Variants in HAUS8 observed in about 807,000 individuals in gnomAD.
HAUS8 encodes HAUS augmin-like complex subunit 8.
In HAUS8, 38 loss-of-function variants were observed where a neutral mutation model predicts 42.9. The observed-to-expected ratio is 0.89, with a 90% CI of 0.68 to 1.16. HAUS8 has a LOEUF of 1.16. Ranked by LOEUF, HAUS8 falls within the 50% of genes most tolerant of loss-of-function variation. The pLI, the probability that HAUS8 is intolerant of heterozygous loss-of-function variation, is 0.00. For missense variants in HAUS8, 494 were observed against 511.6 expected (o/e 0.97, Z 0.33); for synonymous variants, 199 against 205.8 (o/e 0.97, Z 0.28).
intron 6 of HAUS8, among the ~76,000 whole-genome samples, chr19:17,059,308 G>A (rs2057345508): frequency 6.6e-6 from 1 of 152,204 alleles, no homozygotes; most frequent in Non-Finnish European, 1.5e-5. Context: ...GCACAGCATG[G>A]GCACAGAGAA....
chr19:17,068,557 A>T (rs1439349499), intron 3 of HAUS8, among the ~76,000 whole-genome samples: 5 of 152,178 alleles, frequency 3.3e-5, no homozygotes, highest in African/African-American at 9.7e-5. Flanking sequence ...ACTTGAGCTC[A>T]GTAGCTCAAG....
At chr19:17,059,930 T>C (rs2057349845) in intron 5 of HAUS8, 67 bp downstream of exon 5, 2 of 1,149,284 alleles carry the variant, frequency 1.7e-6, no homozygotes, top group South Asian at 2.5e-5. Context: ...CAATTGTACT[T>C]TGGAAGCCCA....
chr19:17,064,255 A>C (rs1394201825), intron 3 of HAUS8, among the ~76,000 whole-genome samples: 6 of 152,256 alleles, frequency 3.9e-5, no homozygotes, highest in Non-Finnish European at 8.8e-5. Flanking sequence ...GATCTAAATA[A>C]ATGGAGAAGC....
At chr19:17,051,637 C>T (rs1201092053) in intron 10 of HAUS8, 1 of 151,202 alleles carries the variant, frequency 6.6e-6, no homozygotes, top group East Asian at 1.9e-4. Flanking sequence ...CTTTCTCTTC[C>T]AGCTGCTTGA....
chr19:17,073,389 G>A, intron 1 of HAUS8, 54 bp from the exon 2 acceptor site: 1 of 1,545,608 alleles, frequency 6.5e-7, no homozygotes, highest in Non-Finnish European at 8.9e-7. Flanking sequence ...GAAGCACAGG[G>A]AAGCCGGCGA....
rs1461454734 is a variant in HAUS8 at position 17,058,801 on chromosome 19, C to T, written c.486+10G>A. ...ATCCATGGCATACGTGAACAAGAAA[C>T]TGTTTTCACCTTTACGGATAGTAGC... On this transcript the variant is annotated intron_variant, in intron 7 of 10. Transcript: ENST00000253669. 2 of 1,612,136 alleles carry T rather than the reference C, an allele frequency of 1.2e-6. No individual in the cohort carries two copies. The highest frequency in any genetic ancestry group is 1.7e-6 in the Non-Finnish European group (2 of 1,179,270).
intron 2 of HAUS8, among the ~76,000 whole-genome samples, chr19:17,069,656 A>G (rs1332019768): frequency 6.6e-6 from 1 of 151,854 alleles, no homozygotes; most frequent in Non-Finnish European, 1.5e-5. Context: ...GTGACTGTGG[A>G]TGGAACAAAT....
chr19:17,058,578 G>T lies in HAUS8; in HGVS notation c.616C>A (p.Arg206=), dbSNP rs376846602. The part of the protein sequence containing the change: ...KRRLLLSQRK[R]ELADVLDAQI... The stretch of plus-strand genomic sequence containing the variant: ...GCATCCAGGACATCTGCCAGCTCCC[G>T]CTTCCTCTGAGAGAGGAGAAGCCTG... The change falls in exon 8 of 11, where the codon CGG becomes AGG. Residue 206 remains arginine, a synonymous_variant. Transcript: ENST00000253669. 5 of 1,608,206 alleles carry T rather than the reference G, an allele frequency of 3.1e-6. No individual in the cohort carries two copies. The highest frequency in any genetic ancestry group is 1.7e-4 in the Middle Eastern group (1 of 5,984).
In HAUS8 at chr19:17,069,708, G is replaced by A. The variant is rs536746681; in HGVS notation, c.92-622C>T. 5.3e-5 allele frequency among the ~76,000 whole-genome samples: 8 copies of A among 152,012 alleles called. No individual in the cohort carries two copies. The East Asian group carries it at 1.4e-3, about 26-fold the overall frequency. ...GCTTCTGGAGGTAGGGGTCTGAACT[G>A]GATCCGGTTAGTCCCATTCTGTCCC... On this transcript the variant is annotated intron_variant, in intron 2 of 10. Coordinates refer to ENST00000253669, the MANE Select transcript of HAUS8 (RefSeq NM_033417.2).
intron 1 of HAUS8, chr19:17,074,824 T>G (rs1482656051): frequency 6.5e-6 from 1 of 152,886 alleles, no homozygotes; most frequent in Non-Finnish European, 1.5e-5. Context: ...AAATATAGCC[T>G]CATGATCATT....
rs761274250 is a variant in HAUS8, at chr19:17,052,856, C to T, written c.898G>A (p.Val300Met). 1.1e-5 allele frequency: 17 copies of T among 1,614,008 alleles called. No individual in the cohort carries two copies. The highest frequency in any genetic ancestry group is 2.2e-5 in the South Asian group (2 of 91,090). ...VLDLLSELKD[V>M]TAKKDLELRR... ...AGCTCAAGGTCCTTTTTCGCCGTCA[C>T]GTCCTTGAGTTCGCTCAGTAAGTCC... The change falls in exon 10 of 11, where the codon GTG becomes ATG. Residue 300 changes from valine (V) to methionine (M), a missense_variant. Coordinates refer to ENST00000253669, the MANE Select transcript of HAUS8 (RefSeq NM_033417.2).
chr19:17,054,279 T>C (rs896239306), intron 9 of HAUS8, among the ~76,000 whole-genome samples: 1 of 152,084 alleles, frequency 6.6e-6, no homozygotes, highest in South Asian at 2.1e-4. Flanking sequence ...CCTAGGCCGT[T>C]CCCAGGAACT....
At chr19:17,072,794 C>T (rs1395403059) in intron 2 of HAUS8, among the ~76,000 whole-genome samples, 2 of 151,922 alleles carry the variant, frequency 1.3e-5, no homozygotes, top group Non-Finnish European at 2.9e-5. Flanking sequence ...CCTCATGAGA[C>T]TGACACGCTC....
rs2057342729 is a variant in HAUS8 at position 17,058,894 on chromosome 19, A to G, written c.421-18T>C. On this transcript the variant is annotated intron_variant, in intron 6 of 10. Transcript: ENST00000253669. ...GATAAATCCTTAAGAAAAGAAAAAG[A>G]CCCTCTCAATTCCTGATGAAGTGGT... 6.3e-7 allele frequency: 1 copy of G among 1,599,432 alleles called. No individual in the cohort carries two copies. The highest frequency in any genetic ancestry group is 1.1e-5 in the South Asian group (1 of 89,884).
intron 3 of HAUS8, among the ~76,000 whole-genome samples, chr19:17,063,281 G>A (rs1040482546): frequency 7.2e-5 from 11 of 152,140 alleles, no homozygotes; most frequent in Non-Finnish European, 1.5e-4. Context: ...AGGATCGCTC[G>A]GGTCCAGGGG....
rs757162478 is a variant in HAUS8 at position 17,060,105 on chromosome 19, G to A, written c.230-13C>T. On this transcript the variant is annotated splice_polypyrimidine_tract_variant and intron_variant, in intron 4 of 10. Coordinates refer to ENST00000253669, the MANE Select transcript of HAUS8 (RefSeq NM_033417.2). ...CCACTGCTATCTGCTGTTAAGAAAA[G>A]AATCCCCGAAAGTCAGCACAGTCAA... 6.3e-7 allele frequency: 1 copy of A among 1,582,826 alleles called. No homozygotes were observed. The highest frequency in any genetic ancestry group is 8.7e-7 in the Non-Finnish European group (1 of 1,152,618).
At chr19:17,057,823 T>C (rs893872471) in intron 8 of HAUS8, among the ~76,000 whole-genome samples, 4 of 151,944 alleles carry the variant, frequency 2.6e-5, no homozygotes, top group African/African-American at 9.7e-5. Context: ...CATGAGGTGA[T>C]AGGGGGGTTG....
chr19:17,053,036 G>A lies in HAUS8; in HGVS notation c.788-70C>T, dbSNP rs556438144. ...CACGCAAGGCACACACAAGTGGAGC[G>A]GCCGACAGACTTCTGTCATGATGCT... On this transcript the variant is annotated intron_variant, in intron 9 of 10. Coordinates refer to ENST00000253669, the MANE Select transcript of HAUS8 (RefSeq NM_033417.2). 114 of 1,579,326 alleles carry A rather than the reference G, an allele frequency of 7.2e-5. No individual in the cohort carries two copies. The Middle Eastern group carries it at 1.9e-3, about 27-fold the overall frequency.
intron 1 of HAUS8, 107 bp from the exon 2 acceptor site, chr19:17,073,442 C>T: frequency 2.0e-6 from 2 of 1,012,304 alleles, no homozygotes; most frequent in Non-Finnish European, 1.6e-6. Context: ...AGTCCAAGGG[C>T]TGCCAGAGGA....
Sources: allele counts gnomAD v4.1 joint callset (sites outside exome capture counted in the v4.1 genomes callset), GRCh38; gene constraint gnomAD v4.1.1; transcripts MANE v1.5; gene names NCBI Gene and HGNC (gene_info 2026-07-23, HGNC 2026-07-21).